The following CFAP77 variants were observed in gnomAD, a reference collection of about 807,000 sequenced individuals.
CFAP77 encodes the protein cilia and flagella associated protein 77, also known as cilia- and flagella-associated protein 77.
Under a neutral mutation model 31.1 loss-of-function variants are expected in CFAP77, and 25 were observed. The observed-to-expected ratio is 0.80, with a 90% CI of 0.59 to 1.12. The LOEUF (loss-of-function observed/expected upper bound fraction) is 1.12, where lower values mean the gene tolerates loss of function less well. Ranked by LOEUF, CFAP77 falls within the 50% of genes most tolerant of loss-of-function variation. The pLI is 0.00. For synonymous variants in CFAP77, 151 were observed against 159.9 expected, an observed-to-expected ratio of 0.94 and a Z score of 0.42; for missense variants, 377 against 397.3, an observed-to-expected ratio of 0.95 and a Z score of 0.44.
At chr9:132,439,661 A>G (rs571062994) in intron 1 of CFAP77, among the ~76,000 whole-genome samples, 19 of 152,120 alleles carry the variant, frequency 1.2e-4, no homozygotes, top group Admixed American at 7.2e-4. Flanking sequence ...CCTGGCTAAC[A>G]TGGTGAAACC....
intron 1 of CFAP77, among the ~76,000 whole-genome samples, chr9:132,420,113 A>G (rs1306483201): frequency 6.6e-6 from 1 of 150,786 alleles, no homozygotes. Context: ...GTGAGCTATG[A>G]TCACACCACT....
intron 1 of CFAP77, among the ~76,000 whole-genome samples, chr9:132,417,124 T>C (rs575512716): frequency 6.6e-6 from 1 of 151,356 alleles, no homozygotes; most frequent in East Asian, 2.0e-4. Flanking sequence ...TTTTCTTTTT[T>C]TTTTTTTTGA....
intron 3 of CFAP77, among the ~76,000 whole-genome samples, chr9:132,516,923 C>T (rs867123438): frequency 6.6e-6 from 1 of 152,178 alleles, no homozygotes; most frequent in Middle Eastern, 3.2e-3. Flanking sequence ...AGTAAACAGC[C>T]ATGGAAGTCA....
intron 5 of CFAP77, among the ~76,000 whole-genome samples, chr9:132,551,296 T>C (rs1221264652): frequency 1.3e-5 from 2 of 149,860 alleles, no homozygotes; most frequent in Non-Finnish European, 3.0e-5. Context: ...TTTTTTTTTT[T>C]AAACTGTATT....
intron 1 of CFAP77, among the ~76,000 whole-genome samples, chr9:132,457,309 T>TGGGGGGTGGGGGGAGGGGGGG (rs1850935892): frequency 3.9e-5 from 2 of 51,912 alleles, no homozygotes; most frequent in Non-Finnish European, 7.4e-5. Context: ...GGGACGGGGG[T>TGGGGGGTGGGGGGAGGGGGGG]GGGGGGGCGG....
chr9:132,469,688 T>C (rs1195873401), intron 1 of CFAP77, among the ~76,000 whole-genome samples: 1 of 152,150 alleles, frequency 6.6e-6, no homozygotes, highest in Non-Finnish European at 1.5e-5. Flanking sequence ...AATTTTGAAA[T>C]AATTACAGAC....
Position 132,469,945 on chromosome 9 carries a change from T to G in CFAP77, c.196-28750T>G, listed in dbSNP as rs553338623. On this transcript the variant is annotated intron_variant, in intron 1 of 5. Coordinates refer to ENST00000393216, the MANE Select transcript of CFAP77 (RefSeq NM_001282957.2). ...ACCTCCGCCTCGTGGGTTCAAGCGA[T>G]TCTCCTGCCTCAACCTCCCAAGTAG... Among the ~76,000 whole-genome samples the G allele has an allele frequency of 2.0e-3, 301 of 151,546 alleles. 1 individual carries two copies. Among genetic ancestry groups the G allele is most frequent in the African/African-American group, 6.8e-3 (281 of 41,030 alleles).
Position 132,501,079 on chromosome 9 carries a change from C to T in CFAP77, c.524+1479C>T, listed in dbSNP as rs1040823107. Among the ~76,000 whole-genome samples, 2 of 152,238 alleles carry T rather than the reference C, an allele frequency of 1.3e-5. No homozygotes were observed. Among genetic ancestry groups the T allele is most frequent in the Non-Finnish European group, 2.9e-5 (2 of 68,042 alleles). ...CATGACCCATGTCCCAACCCTGGCA[C>T]ACATGACATTCTATAAAAGCAGAAT... On this transcript the variant is annotated intron_variant, in intron 3 of 5. Transcript: ENST00000393216. The surrounding 1 kb of genome is among the most constrained non-coding windows in gnomAD (Gnocchi z 4.6).
intron 1 of CFAP77, among the ~76,000 whole-genome samples, chr9:132,432,983 G>A (rs1476154690): frequency 6.6e-6 from 1 of 152,094 alleles, no homozygotes; most frequent in Non-Finnish European, 1.5e-5. Flanking sequence ...CAAAGTGCTG[G>A]GATTACAGGC....
At chr9:132,426,848 G>A (rs1186157011) in intron 1 of CFAP77, among the ~76,000 whole-genome samples, 3 of 152,118 alleles carry the variant, frequency 2.0e-5, no homozygotes, top group African/African-American at 4.8e-5. Context: ...ATTAGGCATC[G>A]CTACATTGTC....
chr9:132,450,210 G>A (rs1265699066), intron 1 of CFAP77, among the ~76,000 whole-genome samples: 1 of 151,454 alleles, frequency 6.6e-6, no homozygotes, highest in Admixed American at 6.6e-5. Flanking sequence ...GATTACAGGT[G>A]TGAGCCACCA....
At chr9:132,546,397 GAAGGGAA>G (rs931358218) in intron 5 of CFAP77, among the ~76,000 whole-genome samples, 4 of 151,386 alleles carry the variant, frequency 2.6e-5, no homozygotes, top group African/African-American at 9.7e-5. Flanking sequence ...GCCCCATTAT[GAAGGGAA>G]AAGCGCTTCC....
At chr9:132,510,989 G>A (rs140906207) in intron 3 of CFAP77, among the ~76,000 whole-genome samples, 1 of 152,262 alleles carries the variant, frequency 6.6e-6, no homozygotes, top group East Asian at 1.9e-4. Context: ...AAGGGGTCAC[G>A]CTGGGATCTG....
Position 132,499,305 on chromosome 9 carries a change from G to T in CFAP77, c.296-67G>T. 10 of 1,452,804 alleles carry T rather than the reference G, an allele frequency of 6.9e-6. No homozygotes were observed. Among genetic ancestry groups the T allele is most frequent in the Non-Finnish European group, 9.5e-6 (10 of 1,049,552 alleles). The allele number at this position is 1,452,804 out of a possible 1,614,324, so 90.0% of individuals were successfully genotyped here. On this transcript the variant is annotated intron_variant, in intron 2 of 5. Transcript: ENST00000393216. The surrounding 1 kb of genome is among the most constrained non-coding windows in gnomAD (Gnocchi z 5.4). ...GACCCGCGTGCCCCCATTTCTTCTC[G>T]ATCAGCTGCCTCAGGGTGCTTACTC... is the stretch of plus-strand genomic sequence containing the variant.
intron 3 of CFAP77, among the ~76,000 whole-genome samples, chr9:132,535,688 G>T (rs1038570316): frequency 6.6e-6 from 1 of 151,488 alleles, no homozygotes; most frequent in Non-Finnish European, 1.5e-5. Flanking sequence ...CTCCAGACTG[G>T]GTGGCAGCGT....
chr9:132,501,462 A>G lies in CFAP77; in HGVS notation c.524+1862A>G, dbSNP rs1228780579. On this transcript the variant is annotated intron_variant, in intron 3 of 5. Coordinates refer to ENST00000393216, the MANE Select transcript of CFAP77 (RefSeq NM_001282957.2). The surrounding 1 kb of genome is among the most constrained non-coding windows in gnomAD (Gnocchi z 4.6). Reference sequence around the variant, plus strand: ...CCCCCAGGCTGGAGTGCAGTGGCGCAGTCTCAGCTCACTGCAACCTCTGTC... The same window carrying G: ...CCCCCAGGCTGGAGTGCAGTGGCGCGGTCTCAGCTCACTGCAACCTCTGTC... Among the ~76,000 whole-genome samples, 1 of 149,220 alleles carries G rather than the reference A, an allele frequency of 6.7e-6. No individual in the cohort carries two copies. The highest frequency in any genetic ancestry group is 1.5e-5 in the Non-Finnish European group (1 of 67,624).
intron 5 of CFAP77, among the ~76,000 whole-genome samples, chr9:132,547,591 C>T (rs77361074): frequency 0.024 from 3,614 of 152,292 alleles, 61 homozygotes; most frequent in Middle Eastern, 0.085. Flanking sequence ...GGCTGCTGGC[C>T]GCTGGCTTGG....
intron 1 of CFAP77, among the ~76,000 whole-genome samples, chr9:132,470,596 T>C (rs1331901104): frequency 1.3e-5 from 2 of 152,254 alleles, no homozygotes; most frequent in Admixed American, 1.3e-4. Flanking sequence ...ATTTGGGCTG[T>C]TTCCCAAGTG....
Position 132,572,746 on chromosome 9 carries a change from C to T in CFAP77, c.*236C>T. On this transcript the variant is annotated 3_prime_UTR_variant, in exon 6 of 6. Transcript: ENST00000393216. ...CTACCTGGAGCCTCCTCCTCTCCTC[C>T]TCCTTCTCCTCCTAGGGCAGGCTCA... The T allele has an allele frequency of 1.9e-6, 1 of 532,220 alleles. No individual in the cohort carries two copies. Among genetic ancestry groups the T allele is most frequent in the Non-Finnish European group, 3.3e-6 (1 of 302,802 alleles). 33.0% of individuals were successfully genotyped at this position (532,220 alleles called of 1,614,324 possible). A position where few individuals can be genotyped will look rare whatever the true frequency, so the allele number is the denominator to read the frequency against.
Sources: allele counts gnomAD v4.1 joint callset (sites outside exome capture counted in the v4.1 genomes callset), GRCh38; gene constraint gnomAD v4.1.1; non-coding constraint Gnocchi (gnomAD v3.1); transcripts MANE v1.5; gene names NCBI Gene and HGNC (gene_info 2026-07-23, HGNC 2026-07-21).